Variants in DPP10 observed in about 807,000 individuals in gnomAD.
DPP10 encodes inactive dipeptidyl peptidase 10.
DPP10 carries 33 observed loss-of-function variants against 120.9 expected under a neutral mutation model. That is an observed-to-expected ratio of 0.27 (90% confidence interval 0.21 to 0.37). DPP10 has a LOEUF of 0.37. Among genes scored for constraint, DPP10 ranks in the 10% least tolerant of loss-of-function variants. The pLI is 1.00. For synonymous variants in DPP10, 337 were observed against 326.1 expected (o/e 1.03, Z -0.36); for missense variants, 816 against 942.8 (o/e 0.87, Z 1.76).
chr2:114,586,369 G>T (rs1690980817), intron 1 of DPP10, among the ~76,000 whole-genome samples: 1 of 152,160 alleles, frequency 6.6e-6, no homozygotes, highest in African/African-American at 2.4e-5. Flanking sequence ...GGAGACATAT[G>T]ATTAACAGCA....
intron 24 of DPP10, among the ~76,000 whole-genome samples, chr2:115,840,311 G>GTTTTTTT (rs1396102493): frequency 3.0e-5 from 1 of 33,242 alleles, no homozygotes; most frequent in African/African-American, 9.0e-5. Context: ...CAGATATAAG[G>GTTTTTTT]TTTTTTGGTT....
chr2:115,514,958 TTA>T (rs920331666), intron 4 of DPP10, among the ~76,000 whole-genome samples: 14 of 151,858 alleles, frequency 9.2e-5, no homozygotes, highest in Non-Finnish European at 4.4e-5. Flanking sequence ...ATATATACAT[TTA>T]TATGTGTGTG....
intron 1 of DPP10, among the ~76,000 whole-genome samples, chr2:114,827,080 G>A (rs1686618236): frequency 6.6e-6 from 1 of 152,012 alleles, no homozygotes; most frequent in Non-Finnish European, 1.5e-5. Flanking sequence ...TGGGGGTCAG[G>A]AGGGGGCGAT....
chr2:115,711,181 A>G (rs1446322885), intron 7 of DPP10, among the ~76,000 whole-genome samples: 1 of 152,114 alleles, frequency 6.6e-6, no homozygotes, highest in Non-Finnish European at 1.5e-5. Flanking sequence ...TGAATAGTGG[A>G]TTCGCTGTCT....
intron 3 of DPP10, among the ~76,000 whole-genome samples, chr2:115,352,949 C>T (rs2064132843): frequency 6.6e-6 from 1 of 151,822 alleles, no homozygotes. Context: ...TTATTTGATA[C>T]AGTCTTCACT....
chr2:115,061,823 A>G (rs1706428219), intron 1 of DPP10, among the ~76,000 whole-genome samples: 1 of 152,198 alleles, frequency 6.6e-6, no homozygotes, highest in Non-Finnish European at 1.5e-5. Flanking sequence ...TGAGCACAGC[A>G]TGTTGAAGAA....
intron 5 of DPP10, among the ~76,000 whole-genome samples, chr2:115,599,841 T>C (rs752297589): frequency 1.2e-4 from 14 of 112,314 alleles, no homozygotes; most frequent in Non-Finnish European, 2.5e-4. Flanking sequence ...TAGTGCATTG[T>C]AGCTCACATC....
intron 1 of DPP10, chr2:115,162,047 G>T (rs765364507): frequency 1.1e-4 from 161 of 1,421,290 alleles, no homozygotes; most frequent in Middle Eastern, 2.6e-4. Flanking sequence ...CGGCAGCCGC[G>T]GCCAGGCCCT....
At chr2:115,677,310 A>G (rs2090342210) in intron 5 of DPP10, among the ~76,000 whole-genome samples, 1 of 152,222 alleles carries the variant, frequency 6.6e-6, no homozygotes, top group Non-Finnish European at 1.5e-5. Flanking sequence ...AGTTAAATCA[A>G]TATAGAAAAT....
At chr2:114,670,126 T>A (rs1283217257) in intron 1 of DPP10, among the ~76,000 whole-genome samples, 1 of 152,120 alleles carries the variant, frequency 6.6e-6, no homozygotes, top group Non-Finnish European at 1.5e-5. Context: ...TCCTCAGGGA[T>A]CTAGAACCAG....
chr2:114,537,523 G>A lies in DPP10; in HGVS notation c.60+94685G>A, dbSNP rs1686610733. ...GAGACTTTTTTTTTTGGTCCCTGGT[G>A]TGCACAAGGAGGATCCCTTGAGATG... On this transcript the variant is annotated intron_variant, in intron 1 of 25. Coordinates refer to ENST00000410059, the MANE Select transcript of DPP10 (RefSeq NM_020868.6). Among the ~76,000 whole-genome samples the A allele has an allele frequency of 2.6e-5, 4 of 152,044 alleles. No individual in the cohort carries two copies. In the South Asian group the frequency reaches 8.3e-4, roughly 32 times the overall value.
intron 5 of DPP10, among the ~76,000 whole-genome samples, chr2:115,678,581 A>G (rs1437302873): frequency 6.6e-6 from 1 of 152,214 alleles, no homozygotes; most frequent in African/African-American, 2.4e-5. Flanking sequence ...CCTCATGGAG[A>G]ACCTCTACTA....
At chr2:115,345,237 G>A (rs1482804241) in intron 3 of DPP10, among the ~76,000 whole-genome samples, 2 of 152,154 alleles carry the variant, frequency 1.3e-5, no homozygotes, top group African/African-American at 4.8e-5. Context: ...TTTTCTTAAT[G>A]AATCTGTATA....
At chr2:114,679,553 A>G (rs1225695038) in intron 1 of DPP10, among the ~76,000 whole-genome samples, 1 of 151,938 alleles carries the variant, frequency 6.6e-6, no homozygotes, top group Admixed American at 6.6e-5. Flanking sequence ...TTTATTGTGT[A>G]CTAGGAAAAA....
intron 5 of DPP10, among the ~76,000 whole-genome samples, chr2:115,550,997 A>G (rs955183179): frequency 1.3e-5 from 2 of 152,168 alleles, no homozygotes; most frequent in Non-Finnish European, 2.9e-5. Flanking sequence ...GGAATTTTAT[A>G]TTCAAAATCA....
chr2:115,508,354 TAGGAGAGCTCCTGCCATAAGGAAAAC>T lies in DPP10; in HGVS notation c.366+8766_366+8791del, dbSNP rs568872297. Among the ~76,000 whole-genome samples, 162 of 152,062 alleles carry T rather than the reference TAGGAGAGCTCCTGCCATAAGGAAAAC, an allele frequency of 1.1e-3. 4 individuals carry two copies. In the South Asian group the frequency reaches 0.026, roughly 24 times the overall value. ...ATACAATAGAAAATAGGAGAGAAAA[TAGGAGAGCTCCTGCCATAAGGAAAAC>T]AGGAGAGCTCCTGCCGTAAGGATCT... On this transcript the variant is annotated intron_variant, in intron 4 of 25. Transcript: ENST00000410059.
chr2:115,632,273 T>TC (rs2085937182), intron 5 of DPP10, among the ~76,000 whole-genome samples: 1 of 152,190 alleles, frequency 6.6e-6, no homozygotes, highest in Non-Finnish European at 1.5e-5. Flanking sequence ...TGTTAAATTT[T>TC]CCCCCATCCC....
chr2:115,187,688 TGTA>T (rs1340737717), intron 1 of DPP10, among the ~76,000 whole-genome samples: 1 of 152,034 alleles, frequency 6.6e-6, no homozygotes, highest in Non-Finnish European at 1.5e-5. Flanking sequence ...TGAAATATAA[TGTA>T]GTGGGTGGGA....
In DPP10 at chr2:115,497,882, T is replaced by G. The variant is rs115313908; in HGVS notation, c.272-1628T>G. On this transcript the variant is annotated intron_variant, in intron 3 of 25. Transcript: ENST00000410059. Reference sequence around the variant, plus strand: ...AAAAGAATATAAATCAAAATAAATATTTATTGTTTATGTAAATCTGTTATT... The same window carrying G: ...AAAAGAATATAAATCAAAATAAATAGTTATTGTTTATGTAAATCTGTTATT... 2.0e-3 allele frequency among the ~76,000 whole-genome samples: 311 copies of G among 152,124 alleles called. 1 individual carries two copies. The highest frequency in any genetic ancestry group is 7.0e-3 in the African/African-American group (290 of 41,520).
Sources: allele counts gnomAD v4.1 joint callset (sites outside exome capture counted in the v4.1 genomes callset), GRCh38; gene constraint gnomAD v4.1.1; transcripts MANE v1.5; gene names NCBI Gene and HGNC (gene_info 2026-07-23, HGNC 2026-07-21).